Variants in SLC8B1 observed in about 807,000 individuals in gnomAD.
The protein encoded by SLC8B1 is mitochondrial sodium/calcium exchanger protein.
Under a neutral mutation model 63.4 loss-of-function variants are expected in SLC8B1, and 52 were observed. The observed-to-expected ratio is 0.82, with a 90% CI of 0.66 to 1.03. The LOEUF is 1.03. SLC8B1 is among the 50% of genes least tolerant of loss of function. The probability of loss-of-function intolerance (pLI) is 0.00; values close to 1 mark genes in which losing one functional copy is unlikely to be tolerated. For missense variants in SLC8B1, 657 were observed against 741.7 expected (o/e 0.89, Z 1.33); for synonymous variants, 336 against 323.9 (o/e 1.04, Z -0.40).
At chr12:113,311,567 A>G (rs986629522) in intron 11 of SLC8B1, among the ~76,000 whole-genome samples, 3 of 151,618 alleles carry the variant, frequency 2.0e-5, no homozygotes, top group African/African-American at 7.3e-5. Flanking sequence ...GTTGCAGTGA[A>G]CCTAAATTGC....
Position 113,313,813 on chromosome 12 carries a change from C to T in SLC8B1, c.1135+1522G>A, listed in dbSNP as rs571349806. Among the ~76,000 whole-genome samples, 12 of 152,108 alleles carry T rather than the reference C, an allele frequency of 7.9e-5. No homozygotes were observed. The South Asian group carries it at 1.5e-3, about 18-fold the overall frequency. ...AATTGAGAAGATGGTCTGTGAATGA[C>T]TGATGTGTGGGAATCACTCTTTTAA... On this transcript the variant is annotated intron_variant, in intron 11 of 15. Coordinates refer to ENST00000680972, the MANE Select transcript of SLC8B1 (RefSeq NM_001358345.2).
At chr12:113,312,387 T>A (rs1282509200) in intron 11 of SLC8B1, among the ~76,000 whole-genome samples, 2 of 152,126 alleles carry the variant, frequency 1.3e-5, no homozygotes, top group Non-Finnish European at 2.9e-5. Flanking sequence ...TGGGCCAAGA[T>A]CACACCACTG....
At position 113,320,849 on chromosome 12, in the gene SLC8B1, C is replaced by G; in HGVS notation, c.420+1G>C. ...GTGCAGGACACTGGACAAAAGGATA[C>G]TGCCACGTTGTGGGAGAGCTTCAGT... On this transcript the variant is annotated splice_donor_variant, in intron 5 of 15. Transcript: ENST00000680972. LOFTEE classifies it high-confidence loss of function. The surrounding 1 kb of genome is among the most constrained non-coding windows in gnomAD (Gnocchi z 5.3). 6.2e-7 allele frequency: 1 copy of G among 1,602,512 alleles called. No homozygotes were observed. The highest frequency in any genetic ancestry group is 8.5e-7 in the Non-Finnish European group (1 of 1,175,672).
intron 15 of SLC8B1, chr12:113,302,038 C>G (rs1023842272): frequency 1.3e-5 from 2 of 152,184 alleles, no homozygotes; most frequent in African/African-American, 4.8e-5. Flanking sequence ...TGGGGAGGAG[C>G]CTGCAGATTT....
At chr12:113,321,471 G>T in intron 2 of SLC8B1, 123 bp from the exon 3 acceptor site, 1 of 1,249,708 alleles carries the variant, frequency 8.0e-7, no homozygotes, top group South Asian at 1.5e-5. Flanking sequence ...CATACCCTCT[G>T]GGTGCCAACT....
At chr12:113,333,079 C>T in intron 1 of SLC8B1, 119 bp from the exon 2 acceptor site, 1 of 637,988 alleles carries the variant, frequency 1.6e-6, no homozygotes, top group South Asian at 2.0e-5. Flanking sequence ...CAAAGTTAAG[C>T]TGACGGAGAA....
In SLC8B1 at chr12:113,316,586, G is replaced by C. The variant is rs199723765; in HGVS notation, c.933C>G (p.Pro311=). The part of the protein sequence containing the change: ...TAQILVRALN[P]LDYMKWRRKS... ...TCCTTCTCCACTTCATGTAATCCAG[G>C]GGATTGAGGGCCCGGACCAGGATCT... The change falls in exon 10 of 16, where the codon CCC becomes CCG. Residue 311 remains proline (P), a synonymous_variant. Transcript: ENST00000680972. 55 of 1,614,212 alleles carry C rather than the reference G, an allele frequency of 3.4e-5. No homozygotes were observed. Among genetic ancestry groups the C allele is most frequent in the Middle Eastern group, 3.3e-4 (2 of 6,054 alleles).
rs371655859 is a variant in SLC8B1, at chr12:113,310,324, G to A, written c.1167C>T (p.Pro389=). The A allele has an allele frequency of 1.3e-5, 21 of 1,613,854 alleles. No individual in the cohort carries two copies. The highest frequency in any genetic ancestry group is 1.6e-4 in the Middle Eastern group (1 of 6,084). ...CTGCGATCACCACCACGACCCAGAC[G>A]GGAACGAGGCCGCCTATCTCATAGA... ...YGVYEIGGLV[P]VWVVVVIAGT... Residue 389 remains proline (P), a synonymous_variant, in exon 12 of 16, where the codon CCC becomes CCT. Coordinates refer to ENST00000680972, the MANE Select transcript of SLC8B1 (RefSeq NM_001358345.2).
intron 8 of SLC8B1, among the ~76,000 whole-genome samples, chr12:113,318,432 T>C (rs1244041360): frequency 6.6e-6 from 1 of 151,726 alleles, no homozygotes; most frequent in Non-Finnish European, 1.5e-5. Context: ...GTGTTGTGTG[T>C]ATACACGTAT....
intron 11 of SLC8B1, among the ~76,000 whole-genome samples, chr12:113,311,064 C>T (rs1383006764): frequency 3.9e-5 from 6 of 152,166 alleles, no homozygotes; most frequent in South Asian, 2.1e-4. Flanking sequence ...CCTATAATGC[C>T]GGCACTTTGG....
At chr12:113,326,773 C>A (rs1243568704) in intron 2 of SLC8B1, among the ~76,000 whole-genome samples, 1 of 151,572 alleles carries the variant, frequency 6.6e-6, no homozygotes, top group African/African-American at 2.4e-5. Context: ...AACTCTTAGG[C>A]TTAAGGAATT....
At chr12:113,318,425 T>C (rs1956872453) in intron 8 of SLC8B1, among the ~76,000 whole-genome samples, 1 of 151,782 alleles carries the variant, frequency 6.6e-6, no homozygotes, top group African/African-American at 2.4e-5. Context: ...TGTATGTGTG[T>C]TGTGTGTATA....
chr12:113,331,303 G>A (rs942141769), intron 2 of SLC8B1, among the ~76,000 whole-genome samples: 1 of 151,096 alleles, frequency 6.6e-6, no homozygotes, highest in Non-Finnish European at 1.5e-5. Context: ...CATAAGAATC[G>A]CTTGAACCCG....
At chr12:113,309,755 C>CA (rs1049706760) in intron 12 of SLC8B1, among the ~76,000 whole-genome samples, 9 of 148,314 alleles carry the variant, frequency 6.1e-5, no homozygotes, top group Non-Finnish European at 1.0e-4. Flanking sequence ...GACCCTGTCT[C>CA]AAAAAAAAGG....
intron 8 of SLC8B1, among the ~76,000 whole-genome samples, chr12:113,318,317 G>A (rs746140577): frequency 2.6e-5 from 4 of 151,966 alleles, no homozygotes; most frequent in Non-Finnish European, 5.9e-5. Flanking sequence ...ATGTGCGCAT[G>A]CATGCATCTG....
rs1957105618 is a variant in SLC8B1 at position 113,334,696 on chromosome 12, C to G, written c.-336G>C. ...AAGAGCTCAATAAATGTTCGCGTCC[C>G]TGATGTCCCCAACACCTGAAGATCA... On this transcript the variant is annotated 5_prime_UTR_variant, in exon 1 of 16. Transcript: ENST00000680972. 1 of 152,258 alleles carries G rather than the reference C, an allele frequency of 6.6e-6. No homozygotes were observed. Among genetic ancestry groups the G allele is most frequent in the African/African-American group, 2.4e-5 (1 of 41,468 alleles). 9.4% of individuals were successfully genotyped at this position (152,258 alleles called of 1,614,324 possible).
Position 113,332,900 on chromosome 12 carries a change from C to T in SLC8B1, c.-22G>A. The stretch of plus-strand genomic sequence containing the variant: ...CCATCTGCCCCCACGGGGCCTGGCC[C>T]TTACTCTCCACTTCCCTTTCTGCAG... On this transcript the variant is annotated 5_prime_UTR_variant, in exon 2 of 16. Transcript: ENST00000680972. 1 of 1,611,766 alleles carries T rather than the reference C, an allele frequency of 6.2e-7. No homozygotes were observed.
chr12:113,325,410 C>A (rs1343057929), intron 2 of SLC8B1, among the ~76,000 whole-genome samples: 1 of 152,086 alleles, frequency 6.6e-6, no homozygotes, highest in African/African-American at 2.4e-5. Flanking sequence ...TGCACCACCA[C>A]ACCCAGTTAA....
chr12:113,318,554 GTGTA>G (rs778442822), intron 8 of SLC8B1, among the ~76,000 whole-genome samples: 5 of 152,154 alleles, frequency 3.3e-5, no homozygotes, highest in African/African-American at 4.8e-5. Context: ...TTGTGTATTT[GTGTA>G]TGTGTGTTGT....
Sources: allele counts gnomAD v4.1 joint callset (sites outside exome capture counted in the v4.1 genomes callset), GRCh38; gene constraint gnomAD v4.1.1; non-coding constraint Gnocchi (gnomAD v3.1); transcripts MANE v1.5; gene names NCBI Gene and HGNC (gene_info 2026-07-23, HGNC 2026-07-21).